The following DNAAF5 variants were observed in gnomAD, a reference collection of about 807,000 sequenced individuals.
DNAAF5 encodes dynein axonemal assembly factor 5.
A neutral mutation model predicts 75.8 loss-of-function variants in DNAAF5; 64 were observed. That is an observed-to-expected ratio of 0.84 (90% confidence interval 0.69 to 1.04). The LOEUF (loss-of-function observed/expected upper bound fraction) is 1.04, where lower values mean the gene tolerates loss of function less well. Ranked by LOEUF, DNAAF5 falls within the 50% of genes least tolerant of loss-of-function variation. The pLI, the probability that DNAAF5 is intolerant of heterozygous loss-of-function variation, is 0.00. For missense variants in DNAAF5, 1,269 were observed against 1,178.5 expected (o/e 1.08, Z -1.12); for synonymous variants, 657 against 557.2 (o/e 1.18, Z -2.52).
At chr7:740,729 C>T (rs965523845) in intron 2 of DNAAF5, 90 bp from the exon 3 acceptor site, 45 of 1,546,538 alleles carry the variant, frequency 2.9e-5, no homozygotes, top group Non-Finnish European at 3.6e-5. Flanking sequence ...CAGGCAGCGT[C>T]CGTATGGCAG....
At chr7:760,484 G>T (rs1438289794) in intron 6 of DNAAF5, among the ~76,000 whole-genome samples, 1 of 152,142 alleles carries the variant, frequency 6.6e-6, no homozygotes. Flanking sequence ...TTAGAGGGAC[G>T]TTATAAGAAG....
intron 2 of DNAAF5, among the ~76,000 whole-genome samples, chr7:731,462 C>T (rs1199214808): frequency 1.3e-5 from 2 of 152,174 alleles, no homozygotes; most frequent in African/African-American, 2.4e-5. Context: ...AACTATGTGT[C>T]GACAGCTGCC....
chr7:761,839 C>G lies in DNAAF5; in HGVS notation c.1557C>G (p.Leu519=). ...HEDCGVASLQ[L]LDVLLTIVAL... ...ACTGTGGCGTGGCCAGCCTGCAGCT[C>G]TTGGACGTGCTGCTGACAATAGTGG... is the stretch of plus-strand genomic sequence containing the variant. The change falls in exon 7 of 13, where the codon CTC becomes CTG. Residue 519 remains leucine (L), a synonymous_variant. Transcript: ENST00000297440. 1 of 1,600,534 alleles carries G rather than the reference C, an allele frequency of 6.2e-7. No homozygotes were observed. Among genetic ancestry groups the G allele is most frequent in the Non-Finnish European group, 8.5e-7 (1 of 1,173,880 alleles).
chr7:756,897 C>A lies in DNAAF5; in HGVS notation c.1373C>A (p.Ser458Tyr), dbSNP rs1274556061. ...GCCTCCGGCCTCCTGGTGCTGGCCT[C>A]CGCCATGCGGGGTTGCCCCCGAGAA... is the stretch of plus-strand genomic sequence containing the variant. ...PSASGLLVLA[S>Y]AMRGCPREAL... Residue 458 changes from serine to tyrosine, a missense_variant, in exon 6 of 13, where the codon TCC (serine) becomes TAC (tyrosine). Coordinates refer to ENST00000297440, the MANE Select transcript of DNAAF5 (RefSeq NM_017802.4). The A allele has an allele frequency of 6.2e-7, 1 of 1,612,814 alleles. No homozygotes were observed. The highest frequency in any genetic ancestry group is 8.5e-7 in the Non-Finnish European group (1 of 1,180,010).
At chr7:732,552 G>T (rs1466846860) in intron 2 of DNAAF5, 1 of 456,012 alleles carries the variant, frequency 2.2e-6, no homozygotes, top group Non-Finnish European at 4.4e-6. Flanking sequence ...AGATGTTACA[G>T]GAGAGACTGG....
intron 1 of DNAAF5, among the ~76,000 whole-genome samples, chr7:727,845 C>G (rs1302783658): frequency 6.7e-6 from 1 of 149,976 alleles, no homozygotes; most frequent in Non-Finnish European, 1.5e-5. Context: ...CCCGGGCCCA[C>G]GAGCCAGCGC....
intron 2 of DNAAF5, among the ~76,000 whole-genome samples, chr7:734,177 C>G (rs1293031995): frequency 6.6e-6 from 1 of 152,180 alleles, no homozygotes; most frequent in African/African-American, 2.4e-5. Flanking sequence ...TTGTCTTGCT[C>G]CAGATTTAGA....
chr7:743,802 G>T (rs911378591), intron 4 of DNAAF5, among the ~76,000 whole-genome samples: 1 of 151,282 alleles, frequency 6.6e-6, no homozygotes, highest in East Asian at 1.9e-4. Context: ...TCACCACCAC[G>T]CCCAGCTAAT....
At chr7:750,351 C>T (rs1000224139) in intron 4 of DNAAF5, among the ~76,000 whole-genome samples, 1 of 152,174 alleles carries the variant, frequency 6.6e-6, no homozygotes, top group Non-Finnish European at 1.5e-5. Context: ...CACCCAATGA[C>T]GTGTTTCCCA....
At chr7:768,144 C>T (rs4720926) in intron 8 of DNAAF5, among the ~76,000 whole-genome samples, 87,903 of 128,034 alleles carry the variant, frequency 0.69, 27,462 homozygotes, top group Middle Eastern at 0.77. Context: ...ATGCTGCGAG[C>T]GCTCGCGGCT....
At position 770,577 on chromosome 7, in the gene DNAAF5, C is replaced by G; in HGVS notation, c.1890C>G (p.Ser630=). Residue 630 remains serine (S), a synonymous_variant, in exon 9 of 13, where the codon TCC becomes TCG. Coordinates refer to ENST00000297440, the MANE Select transcript of DNAAF5 (RefSeq NM_017802.4). ...QMRLKLFSIL[S]TVLLRATDTI... is the part of the protein sequence containing the mutation. ...GCCTGAAGCTGTTCTCCATCCTGTC[C>G]ACCGTGCTGCTCAGAGCCACGGACA... The G allele has an allele frequency of 6.2e-7, 1 of 1,613,916 alleles. No homozygotes were observed. Among genetic ancestry groups the G allele is most frequent in the Non-Finnish European group, 8.5e-7 (1 of 1,179,988 alleles).
chr7:785,454 C>G, intron 12 of DNAAF5, 63 bp from the exon 13 acceptor site: 1 of 1,576,204 alleles, frequency 6.3e-7, no homozygotes, highest in Non-Finnish European at 8.7e-7. Flanking sequence ...CCAATTTGCA[C>G]GAGAGGTAAG....
intron 7 of DNAAF5, 101 bp downstream of exon 7, chr7:761,997 T>TTGAGCCCCAGGCCTCACACATGTC: frequency 7.5e-7 from 1 of 1,326,996 alleles, no homozygotes; most frequent in Non-Finnish European, 1.0e-6. Flanking sequence ...CCCTCTGTGC[T>TTGAGCCCCAGGCCTCACACATGTC]TGACCAGCAA....
intron 4 of DNAAF5, among the ~76,000 whole-genome samples, chr7:751,722 G>A (rs558632891): frequency 2.0e-5 from 3 of 151,932 alleles, no homozygotes; most frequent in Non-Finnish European, 2.9e-5. Context: ...ACAGGCGCTC[G>A]CCAGCACGAC....
At chr7:768,277 G>A (rs1362367729) in intron 8 of DNAAF5, among the ~76,000 whole-genome samples, 2 of 150,982 alleles carry the variant, frequency 1.3e-5, no homozygotes, top group Non-Finnish European at 3.0e-5. Flanking sequence ...GCGCTGGGAG[G>A]GGAGACACGT....
chr7:769,889 C>T (rs944843355), intron 8 of DNAAF5, among the ~76,000 whole-genome samples: 13 of 152,288 alleles, frequency 8.5e-5, no homozygotes, highest in Non-Finnish European at 1.8e-4. Context: ...GACCTCAGGT[C>T]ACCCATCTTG....
intron 2 of DNAAF5, among the ~76,000 whole-genome samples, chr7:736,693 G>A (rs994954386): frequency 6.6e-6 from 1 of 152,144 alleles, no homozygotes; most frequent in Admixed American, 6.5e-5. Context: ...GTTTAGTCTG[G>A]TTACGTTCAA....
In DNAAF5 at chr7:786,022, C is replaced by T. The variant is rs188990134; in HGVS notation, c.*369C>T. ...TAGGTGCCCACCAAGAAGGTTTTTA[C>T]CTACTTAACAAAAAAGAAAGAAGCC... On this transcript the variant is annotated 3_prime_UTR_variant, in exon 13 of 13. Transcript: ENST00000297440. The T allele has an allele frequency of 5.5e-6, 1 of 180,276 alleles. No homozygotes were observed. The highest frequency in any genetic ancestry group is 6.1e-5 in the Admixed American group (1 of 16,378). 11.2% of individuals were successfully genotyped at this position (180,276 alleles called of 1,614,324 possible). A position where few individuals can be genotyped will look rare whatever the true frequency, so the allele number is the denominator to read the frequency against.
intron 10 of DNAAF5, among the ~76,000 whole-genome samples, chr7:774,642 G>T (rs1228801507): frequency 6.6e-6 from 1 of 152,116 alleles, no homozygotes; most frequent in African/African-American, 2.4e-5. Flanking sequence ...GTCGCCGCCC[G>T]GCGGGAAGGC....
Sources: gnomAD v4.1 joint callset for allele counts (sites outside exome capture counted in the v4.1 genomes callset) on GRCh38, gnomAD v4.1.1 for gene constraint, MANE v1.5 for transcripts, NCBI Gene and HGNC (gene_info 2026-07-23, HGNC 2026-07-21) for gene names.